The following SLC5A1 variants were observed in gnomAD, a reference collection of about 807,000 sequenced individuals.
SLC5A1 encodes sodium/glucose cotransporter 1.
A neutral mutation model predicts 73.5 loss-of-function variants in SLC5A1; 42 were observed. That is an observed-to-expected ratio of 0.57 (90% CI 0.45 to 0.74). The LOEUF is 0.74. Ranked by LOEUF, SLC5A1 falls within the 30% of genes least tolerant of loss-of-function variation. SLC5A1 has a pLI of 0.00. For missense variants in SLC5A1, 634 were observed against 855.4 expected, an observed-to-expected ratio of 0.74 and a Z score of 3.23; for synonymous variants, 300 against 317.4, an observed-to-expected ratio of 0.95 and a Z score of 0.58.
Position 32,043,425 on chromosome 22 carries a change from C to T in SLC5A1, c.135+9C>T, listed in dbSNP as rs1380051986. 1.7e-5 allele frequency: 27 copies of T among 1,613,330 alleles called. No homozygotes were observed. The South Asian group carries it at 1.9e-4, about 11-fold the overall frequency. On this transcript the variant is annotated intron_variant, in intron 1 of 14. Coordinates refer to ENST00000266088, the MANE Select transcript of SLC5A1 (RefSeq NM_000343.4). The surrounding 1 kb of genome is among the most constrained non-coding windows in gnomAD (Gnocchi z 6.5). ...TGGCCGTCGGACTGTGGGTATGCAGCGGGTTCTGGGATGCGGGTGGGGAGG... is the reference window on the plus strand; with the variant it reads ...TGGCCGTCGGACTGTGGGTATGCAGTGGGTTCTGGGATGCGGGTGGGGAGG...
At chr22:32,089,760 T>C (rs1409588718) in intron 10 of SLC5A1, among the ~76,000 whole-genome samples, 2 of 152,182 alleles carry the variant, frequency 1.3e-5, no homozygotes, top group Non-Finnish European at 2.9e-5. Context: ...GGGATTCATG[T>C]ATCAGATGGA....
At position 32,051,174 on chromosome 22, in the gene SLC5A1, A is replaced by C. The variant is rs575591372; in HGVS notation, c.207+1160A>C. On this transcript the variant is annotated intron_variant, in intron 2 of 14. Coordinates refer to ENST00000266088, the MANE Select transcript of SLC5A1 (RefSeq NM_000343.4). ...CTGGCAGAGCCAGCTCCATGGGATC[A>C]GCTCCCTTAGATTCAGAAAGAAGCA... Among the ~76,000 whole-genome samples, 190 of 152,332 alleles carry C rather than the reference A, an allele frequency of 1.2e-3. 1 individual carries two copies. The highest frequency in any genetic ancestry group is 4.5e-3 in the African/African-American group (186 of 41,576).
chr22:32,070,985 C>T (rs2093982068), intron 5 of SLC5A1, among the ~76,000 whole-genome samples: 1 of 152,170 alleles, frequency 6.6e-6, no homozygotes, highest in African/African-American at 2.4e-5. Flanking sequence ...GGAGCTGGCT[C>T]CTAGTCTGTT....
At chr22:32,085,924 G>A (rs1011680115) in intron 9 of SLC5A1, among the ~76,000 whole-genome samples, 1 of 152,036 alleles carries the variant, frequency 6.6e-6, no homozygotes, top group African/African-American at 2.4e-5. Flanking sequence ...GGTGGATCAC[G>A]AGGTCAGGAG....
At chr22:32,108,831 T>G (rs1479226254) in intron 14 of SLC5A1, among the ~76,000 whole-genome samples, 2 of 152,220 alleles carry the variant, frequency 1.3e-5, no homozygotes, top group Non-Finnish European at 2.9e-5. Context: ...TCGTGTGAAC[T>G]TGGTCACTGA....
intron 5 of SLC5A1, among the ~76,000 whole-genome samples, chr22:32,075,763 G>A (rs575073839): frequency 2.0e-4 from 30 of 152,060 alleles, no homozygotes; most frequent in Non-Finnish European, 3.1e-4. Context: ...TGGGCAGGGG[G>A]TAGGGTAGGG....
In SLC5A1 at chr22:32,091,483, T is replaced by C. The variant is rs1026923899; in HGVS notation, c.1130-129T>C. On this transcript the variant is annotated intron_variant, in intron 10 of 14. Transcript: ENST00000266088. ...CTACTTCTTAAAGCTTCTAGTCTTT[T>C]TGGAGACAGAAATTGGATAACATGG... 4.7e-6 allele frequency: 5 copies of C among 1,062,488 alleles called. No individual in the cohort carries two copies. In the African/African-American group the frequency reaches 7.8e-5, roughly 17 times the overall value. 65.8% of individuals were successfully genotyped at this position (1,062,488 alleles called of 1,614,324 possible).
intron 2 of SLC5A1, 84 bp downstream of exon 2, chr22:32,050,098 G>A: frequency 8.1e-7 from 1 of 1,234,684 alleles, no homozygotes; most frequent in Non-Finnish European, 1.2e-6. Context: ...GCTTTGGGTG[G>A]TGGTGATTCT....
intron 1 of SLC5A1, among the ~76,000 whole-genome samples, chr22:32,049,272 G>C (rs2093942070): frequency 6.8e-6 from 1 of 147,344 alleles, no homozygotes; most frequent in African/African-American, 2.5e-5. Flanking sequence ...CCCTCAGAGA[G>C]GAAAGACTTG....
intron 10 of SLC5A1, among the ~76,000 whole-genome samples, chr22:32,088,347 T>C (rs1203833019): frequency 1.3e-5 from 2 of 151,424 alleles, no homozygotes; most frequent in Non-Finnish European, 2.9e-5. Context: ...TTTTTTTTTT[T>C]TTTTTTGAGA....
In SLC5A1 at chr22:32,086,344, G is replaced by A; in HGVS notation, c.1129+17G>A. The A allele has an allele frequency of 1.3e-6, 2 of 1,555,056 alleles. No individual in the cohort carries two copies. Among genetic ancestry groups the A allele is most frequent in the Non-Finnish European group, 8.9e-7 (1 of 1,126,344 alleles). ...TGCCCAATGGTGAGATTCTTTCTTG[G>A]GAGGTTGGTAGAGTCTTTCTTGGGA... On this transcript the variant is annotated intron_variant, in intron 10 of 14. Transcript: ENST00000266088.
chr22:32,078,069 CT>C (rs1433330036), intron 5 of SLC5A1, among the ~76,000 whole-genome samples: 2 of 152,146 alleles, frequency 1.3e-5, no homozygotes, highest in East Asian at 3.8e-4. Flanking sequence ...CTCCCCACCC[CT>C]ACCATCAAAT....
At chr22:32,045,504 G>T (rs1370360492) in intron 1 of SLC5A1, among the ~76,000 whole-genome samples, 4 of 152,162 alleles carry the variant, frequency 2.6e-5, no homozygotes, top group Admixed American at 1.3e-4. Context: ...TGATTCAGGG[G>T]TGGCCACTCT....
At chr22:32,069,055 T>C (rs2093978704) in intron 5 of SLC5A1, among the ~76,000 whole-genome samples, 1 of 152,194 alleles carries the variant, frequency 6.6e-6, no homozygotes, top group South Asian at 2.1e-4. Flanking sequence ...ACGTGGCATA[T>C]ATACATAATG....
At chr22:32,088,312 C>G (rs1050801165) in intron 10 of SLC5A1, among the ~76,000 whole-genome samples, 4 of 150,962 alleles carry the variant, frequency 2.6e-5, no homozygotes, top group Non-Finnish European at 5.9e-5. Flanking sequence ...TGGCTGTAAT[C>G]TGGCTTCAGT....
intron 5 of SLC5A1, among the ~76,000 whole-genome samples, chr22:32,076,017 G>T (rs1208367606): frequency 2.0e-5 from 3 of 152,230 alleles, no homozygotes; most frequent in Admixed American, 2.0e-4. Context: ...TTGTGTGTGT[G>T]TGTGGAAGGG....
At chr22:32,065,165 T>G (rs1362813071) in intron 2 of SLC5A1, among the ~76,000 whole-genome samples, 1 of 152,146 alleles carries the variant, frequency 6.6e-6, no homozygotes, top group Non-Finnish European at 1.5e-5. Context: ...CAGGCTGGTC[T>G]CCAACTCCTG....
chr22:32,047,139 G>C (rs907586822), intron 1 of SLC5A1, among the ~76,000 whole-genome samples: 1 of 152,140 alleles, frequency 6.6e-6, no homozygotes, highest in African/African-American at 2.4e-5. Context: ...GTTTCCATGG[G>C]GGAGTGTCAA....
intron 11 of SLC5A1, among the ~76,000 whole-genome samples, chr22:32,097,606 T>C (rs1281431520): frequency 6.6e-6 from 1 of 152,154 alleles, no homozygotes; most frequent in African/African-American, 2.4e-5. Context: ...AAAATCATCT[T>C]GTGTAGTGTT....
Sources: allele counts gnomAD v4.1 joint callset (sites outside exome capture counted in the v4.1 genomes callset), GRCh38; gene constraint gnomAD v4.1.1; non-coding constraint Gnocchi (gnomAD v3.1); transcripts MANE v1.5; gene names NCBI Gene and HGNC (gene_info 2026-07-23, HGNC 2026-07-21).